WDFY3: variants seen among roughly 807,000 people sequenced by gnomAD.
WDFY3 encodes WD repeat and FYVE domain containing 3.
A neutral mutation model predicts 409.6 loss-of-function variants in WDFY3; 66 were observed. The ratio of observed to expected loss-of-function variants is 0.16; its 90% confidence interval spans 0.13 to 0.20. WDFY3 has a LOEUF of 0.20. WDFY3 is among the 10% of genes least tolerant of loss of function. The pLI, the probability that WDFY3 is intolerant of heterozygous loss-of-function variation, is 1.00. For missense variants in WDFY3, 3,031 were observed against 4,298.1 expected, an observed-to-expected ratio of 0.71 and a Z score of 8.24; for synonymous variants, 1,521 against 1,537.1, an observed-to-expected ratio of 0.99 and a Z score of 0.25.
At chr4:84,680,646 TA>T (rs1487124062) in intron 64 of WDFY3, among the ~76,000 whole-genome samples, 2 of 152,200 alleles carry the variant, frequency 1.3e-5, no homozygotes, top group African/African-American at 2.4e-5. Flanking sequence ...TGGATTCAAT[TA>T]ATCTCAGATG....
intron 53 of WDFY3, among the ~76,000 whole-genome samples, chr4:84,706,351 A>G (rs933944169): frequency 1.3e-5 from 2 of 152,146 alleles, no homozygotes; most frequent in African/African-American, 2.4e-5. Context: ...TTTATATGTA[A>G]AGTACCTTGT....
At chr4:84,792,488 G>T (rs559339254) in intron 21 of WDFY3, among the ~76,000 whole-genome samples, 99 of 152,274 alleles carry the variant, frequency 6.5e-4, no homozygotes, top group African/African-American at 2.3e-3. Context: ...TCTGACTTAG[G>T]TTTGAACTAA....
At chr4:84,683,816 T>G in intron 63 of WDFY3, 127 bp downstream of exon 63, 1 of 982,938 alleles carries the variant, frequency 1.0e-6, no homozygotes, top group Non-Finnish European at 1.5e-6. Flanking sequence ...AAGGCCTGTC[T>G]GAGCTGGAGC....
intron 37 of WDFY3, among the ~76,000 whole-genome samples, chr4:84,742,455 C>T (rs530560451): frequency 3.3e-5 from 5 of 152,154 alleles, no homozygotes; most frequent in South Asian, 2.1e-4. Context: ...TAAAGCTATC[C>T]GAGTGTTTTC....
At chr4:84,820,211 A>G in intron 11 of WDFY3, 25 bp from the exon 12 acceptor site, 2 of 1,548,472 alleles carry the variant, frequency 1.3e-6, no homozygotes, top group South Asian at 1.2e-5. Context: ...AAAGGTCCAA[A>G]TTACAAAAGT....
chr4:84,949,875 T>G (rs540855606), intron 1 of WDFY3, among the ~76,000 whole-genome samples: 1 of 152,210 alleles, frequency 6.6e-6, no homozygotes, highest in East Asian at 1.9e-4. Flanking sequence ...ACAAGTGCAG[T>G]AGATAATAAA....
At chr4:84,816,411 G>T (rs1753308873) in intron 13 of WDFY3, among the ~76,000 whole-genome samples, 1 of 151,968 alleles carries the variant, frequency 6.6e-6, no homozygotes, top group African/African-American at 2.4e-5. Flanking sequence ...TATAGAACTT[G>T]GGAAAATATT....
At chr4:84,944,139 C>A (rs982333153) in intron 1 of WDFY3, among the ~76,000 whole-genome samples, 1 of 152,156 alleles carries the variant, frequency 6.6e-6, no homozygotes, top group Admixed American at 6.5e-5. Context: ...CAATAAGACT[C>A]TAAATATCTT....
intron 3 of WDFY3, among the ~76,000 whole-genome samples, chr4:84,875,036 G>C (rs567647706): frequency 6.6e-6 from 1 of 152,050 alleles, no homozygotes; most frequent in African/African-American, 2.4e-5. Flanking sequence ...TTGGGAGTCC[G>C]AGGCGGGCAG....
intron 50 of WDFY3, 85 bp from the exon 51 acceptor site, chr4:84,713,324 G>GA (rs1383382671): frequency 8.0e-7 from 1 of 1,246,666 alleles, no homozygotes; most frequent in Non-Finnish European, 1.2e-6. Context: ...GATTCGTTTA[G>GA]ATTTTCATAG....
chr4:84,778,758 C>G (rs569376114), intron 26 of WDFY3, 103 bp from the exon 27 acceptor site: 1 of 1,082,354 alleles, frequency 9.2e-7, no homozygotes, highest in Admixed American at 2.8e-5. Context: ...CATACACACA[C>G]AAACACACAC....
At chr4:84,816,594 T>C (rs1009802301) in intron 13 of WDFY3, among the ~76,000 whole-genome samples, 1 of 152,140 alleles carries the variant, frequency 6.6e-6, no homozygotes, top group Non-Finnish European at 1.5e-5. Flanking sequence ...ATTTTTAAAA[T>C]ATATCATTTA....
chr4:84,747,291 T>C (rs1332600588), intron 36 of WDFY3, among the ~76,000 whole-genome samples: 2 of 152,234 alleles, frequency 1.3e-5, no homozygotes, highest in East Asian at 3.8e-4. Flanking sequence ...GGAAGGCCTT[T>C]GGAATTCTGT....
At chr4:84,726,978 A>T (rs1218040433) in intron 44 of WDFY3, 67 bp from the exon 45 acceptor site, 1 of 1,432,418 alleles carries the variant, frequency 7.0e-7, no homozygotes, top group East Asian at 2.3e-5. Flanking sequence ...CAAAAATAAA[A>T]TTTTTCTTGA....
At chr4:84,763,253 C>T (rs1342851363) in intron 32 of WDFY3, among the ~76,000 whole-genome samples, 1 of 151,998 alleles carries the variant, frequency 6.6e-6, no homozygotes, top group East Asian at 1.9e-4. Context: ...AGCTGGAAAC[C>T]ATCATCCTCA....
intron 64 of WDFY3, among the ~76,000 whole-genome samples, chr4:84,680,194 T>G (rs1482155225): frequency 6.6e-6 from 1 of 152,186 alleles, no homozygotes; most frequent in Admixed American, 6.5e-5. Context: ...CAGCTATTTT[T>G]GGATATTCTT....
At chr4:84,864,203 C>T (rs943390684) in intron 3 of WDFY3, among the ~76,000 whole-genome samples, 6 of 151,896 alleles carry the variant, frequency 4.0e-5, no homozygotes, top group African/African-American at 1.4e-4. Flanking sequence ...CCTGTCTCTA[C>T]TAAAAATACA....
At chr4:84,793,417 T>G (rs920241400) in intron 21 of WDFY3, among the ~76,000 whole-genome samples, 7 of 152,078 alleles carry the variant, frequency 4.6e-5, no homozygotes, top group African/African-American at 1.7e-4. Context: ...GCTTGGGACA[T>G]AGACAAATGA....
chr4:84,807,465 T>C (rs1223490811), intron 15 of WDFY3, among the ~76,000 whole-genome samples: 2 of 152,212 alleles, frequency 1.3e-5, no homozygotes, highest in Non-Finnish European at 2.9e-5. Flanking sequence ...TAACTCCAAC[T>C]ATCTTCAAGT....
Sources: gnomAD v4.1 joint callset for allele counts (sites outside exome capture counted in the v4.1 genomes callset) on GRCh38, gnomAD v4.1.1 for gene constraint, MANE v1.5 for transcripts, NCBI Gene and HGNC (gene_info 2026-07-23, HGNC 2026-07-21) for gene names.